LSAMP: variants seen among roughly 807,000 people sequenced by gnomAD.
LSAMP encodes the protein limbic system associated membrane protein, also known as limbic system-associated membrane protein.
In LSAMP, 7 loss-of-function variants were observed where a neutral mutation model predicts 38.6. The observed-to-expected ratio is 0.18, with a 90% CI of 0.10 to 0.34. The LOEUF is 0.34. Ranked by LOEUF, LSAMP falls within the 10% of genes least tolerant of loss-of-function variation. The probability of loss-of-function intolerance (pLI) is 1.00; values close to 1 mark genes in which losing one functional copy is unlikely to be tolerated. For synonymous variants in LSAMP, 154 were observed against 166.8 expected, an observed-to-expected ratio of 0.92 and a Z score of 0.59; for missense variants, 313 against 420.0, an observed-to-expected ratio of 0.75 and a Z score of 2.23.
chr3:116,287,732 A>G (rs2047212281), intron 1 of LSAMP, among the ~76,000 whole-genome samples: 1 of 152,198 alleles, frequency 6.6e-6, no homozygotes, highest in Non-Finnish European at 1.5e-5. Flanking sequence ...TACCAACCTC[A>G]TCACCAGCAT....
At chr3:116,000,544 C>T (rs1939960562) in intron 3 of LSAMP, among the ~76,000 whole-genome samples, 2 of 152,104 alleles carry the variant, frequency 1.3e-5, no homozygotes, top group Non-Finnish European at 2.9e-5. Context: ...GAGGGCTGCA[C>T]CAATGTCAGC....
intron 6 of LSAMP, among the ~76,000 whole-genome samples, chr3:115,828,824 A>T (rs116145652): frequency 0.013 from 2,029 of 151,938 alleles, 41 homozygotes; most frequent in African/African-American, 0.045. Context: ...GATTTTTGTT[A>T]AAAAAAATAT....
rs1707852081 is a variant in LSAMP, at chr3:116,080,651, T to A, written c.388+5673A>T. ...TTAGCTGTCTGGTTGCTGATGTGAA[T>A]AGTGAAGTCTTTCAAGTCTGAACCT... On this transcript the variant is annotated intron_variant, in intron 2 of 6. Coordinates refer to ENST00000490035, the MANE Select transcript of LSAMP (RefSeq NM_002338.5). Among the ~76,000 whole-genome samples the A allele has an allele frequency of 2.0e-5, 3 of 152,258 alleles. No homozygotes were observed. The South Asian group carries it at 6.2e-4, about 32-fold the overall frequency.
chr3:116,077,636 C>T (rs1396910424), intron 2 of LSAMP, among the ~76,000 whole-genome samples: 1 of 152,088 alleles, frequency 6.6e-6, no homozygotes, highest in Non-Finnish European at 1.5e-5. Flanking sequence ...GAAATAATTT[C>T]AAGTTTAATG....
At chr3:116,075,873 T>C (rs993204420) in intron 2 of LSAMP, among the ~76,000 whole-genome samples, 1 of 152,292 alleles carries the variant, frequency 6.6e-6, no homozygotes, top group East Asian at 1.9e-4. Flanking sequence ...TATTTACATA[T>C]GTTTAGCCAA....
intron 1 of LSAMP, among the ~76,000 whole-genome samples, chr3:116,205,970 A>G (rs1490667207): frequency 1.3e-5 from 2 of 150,936 alleles, no homozygotes; most frequent in Admixed American, 6.6e-5. Context: ...ATAGTTTCAG[A>G]AGGAATGGTA....
chr3:116,238,071 G>A (rs1284341556), intron 1 of LSAMP, among the ~76,000 whole-genome samples: 3 of 152,126 alleles, frequency 2.0e-5, no homozygotes, highest in Non-Finnish European at 2.9e-5. Flanking sequence ...AATGTCTCAA[G>A]ATATTGCCAA....
At chr3:115,994,272 A>C (rs1939753922) in intron 3 of LSAMP, among the ~76,000 whole-genome samples, 1 of 152,040 alleles carries the variant, frequency 6.6e-6, no homozygotes, top group Admixed American at 6.6e-5. Flanking sequence ...AAATTTTATG[A>C]GTCTACCACC....
At chr3:116,240,774 T>G (rs1450559847) in intron 1 of LSAMP, among the ~76,000 whole-genome samples, 15 of 152,208 alleles carry the variant, frequency 9.9e-5, no homozygotes, top group African/African-American at 3.4e-4. Context: ...AAGGCAACAG[T>G]TTCATTAGAT....
intron 3 of LSAMP, among the ~76,000 whole-genome samples, chr3:116,000,021 T>G (rs1939944499): frequency 6.6e-6 from 1 of 152,140 alleles, no homozygotes; most frequent in Non-Finnish European, 1.5e-5. Context: ...TGCATGTATC[T>G]GTGCACACTG....
chr3:116,133,134 A>G (rs147565394), intron 1 of LSAMP, among the ~76,000 whole-genome samples: 88 of 152,334 alleles, frequency 5.8e-4, no homozygotes, highest in African/African-American at 1.3e-3. Flanking sequence ...TTCTTGTTCA[A>G]TCAGCTATAG....
At chr3:115,903,658 T>C (rs1049772855) in intron 3 of LSAMP, among the ~76,000 whole-genome samples, 5 of 152,130 alleles carry the variant, frequency 3.3e-5, no homozygotes, top group African/African-American at 1.2e-4. Flanking sequence ...TTTTACCTTA[T>C]TGAGATGCTA....
At chr3:116,064,525 G>C (rs1008097868) in intron 2 of LSAMP, among the ~76,000 whole-genome samples, 1 of 146,992 alleles carries the variant, frequency 6.8e-6, no homozygotes, top group Admixed American at 6.8e-5. Flanking sequence ...AAAAAAGTCA[G>C]TCTGATGAGT....
At chr3:116,143,458 G>T (rs1464106288) in intron 1 of LSAMP, among the ~76,000 whole-genome samples, 1 of 151,918 alleles carries the variant, frequency 6.6e-6, no homozygotes, top group Non-Finnish European at 1.5e-5. Flanking sequence ...AAATAACTTA[G>T]AGTGTAATTG....
chr3:116,328,315 G>C (rs1041709228), intron 1 of LSAMP, among the ~76,000 whole-genome samples: 1 of 152,138 alleles, frequency 6.6e-6, no homozygotes, highest in South Asian at 2.1e-4. Flanking sequence ...TGACACTGAT[G>C]ATGGGAAATT....
At chr3:116,353,641 C>T (rs1366658811) in intron 1 of LSAMP, among the ~76,000 whole-genome samples, 2 of 151,884 alleles carry the variant, frequency 1.3e-5, no homozygotes, top group Non-Finnish European at 1.5e-5. Context: ...CTTTCCAGAA[C>T]TATCTAGGCC....
intron 2 of LSAMP, among the ~76,000 whole-genome samples, chr3:116,078,451 A>C (rs902850959): frequency 2.6e-5 from 4 of 151,774 alleles, no homozygotes; most frequent in African/African-American, 7.3e-5. Flanking sequence ...CAGCCTCCCG[A>C]GTAGCTGGGA....
intron 1 of LSAMP, among the ~76,000 whole-genome samples, chr3:116,142,558 T>C (rs1044560559): frequency 5.3e-5 from 8 of 152,036 alleles, no homozygotes; most frequent in Admixed American, 5.3e-4. Flanking sequence ...AGACCATTCA[T>C]TTATAATTTT....
intron 1 of LSAMP, among the ~76,000 whole-genome samples, chr3:116,326,352 C>A (rs1021885640): frequency 2.0e-5 from 3 of 152,074 alleles, no homozygotes; most frequent in African/African-American, 7.2e-5. Context: ...TTATTTAGGG[C>A]AAAAGAACCA....
Sources: allele counts gnomAD v4.1 joint callset (sites outside exome capture counted in the v4.1 genomes callset), GRCh38; gene constraint gnomAD v4.1.1; transcripts MANE v1.5; gene names NCBI Gene and HGNC (gene_info 2026-07-23, HGNC 2026-07-21).